The following NUDT9 variants were observed in gnomAD, a reference collection of about 807,000 sequenced individuals.
NUDT9 encodes nudix hydrolase 9.
A neutral mutation model predicts 41.0 loss-of-function variants in NUDT9; 31 were observed. That is an observed-to-expected ratio of 0.76 (90% CI 0.57 to 1.02). The LOEUF is 1.02. NUDT9 is among the 50% of genes least tolerant of loss of function. The probability of loss-of-function intolerance (pLI) is 0.00; values close to 1 mark genes in which losing one functional copy is unlikely to be tolerated. For synonymous variants in NUDT9, 146 were observed against 147.6 expected (o/e 0.99, Z 0.08); for missense variants, 380 against 431.4 (o/e 0.88, Z 1.06).
rs1183676028 is a variant in NUDT9 at position 87,451,657 on chromosome 4, C to T, written c.711C>T (p.Asn237=). The T allele has an allele frequency of 9.3e-6, 15 of 1,613,710 alleles. No homozygotes were observed. The Admixed American group carries it at 2.0e-4, about 22-fold the overall frequency. ...LKREFGEEAL[N]SLQKTSAEKR... ...GAGAATTTGGTGAGGAAGCTCTCAA[C>T]TCCTTACAGAAAACCAGTGCTGAGA... is the stretch of plus-strand genomic sequence containing the variant. The change falls in exon 6 of 8, where the codon AAC becomes AAT. Residue 237 remains asparagine (N), a synonymous_variant. Transcript: ENST00000302174.
intron 1 of NUDT9, 63 bp from the exon 2 acceptor site, chr4:87,434,918 C>T: frequency 6.9e-7 from 1 of 1,458,644 alleles, no homozygotes; most frequent in Non-Finnish European, 9.3e-7. Flanking sequence ...TGCACCCGGC[C>T]TAGGTTCTTT....
At chr4:87,423,640 GAAAAATCT>G (rs1721258936) in intron 1 of NUDT9, among the ~76,000 whole-genome samples, 1 of 152,096 alleles carries the variant, frequency 6.6e-6, no homozygotes, top group Non-Finnish European at 1.5e-5. Context: ...ATGATAATTA[GAAAAATCT>G]ATTTCCTAAA....
At chr4:87,429,947 G>T (rs1347865380) in intron 1 of NUDT9, among the ~76,000 whole-genome samples, 1 of 152,080 alleles carries the variant, frequency 6.6e-6, no homozygotes, top group Non-Finnish European at 1.5e-5. Context: ...GGCCCCCCAA[G>T]TATGTCCACA....
At chr4:87,439,731 C>T (rs1265522913) in intron 3 of NUDT9, among the ~76,000 whole-genome samples, 3 of 152,116 alleles carry the variant, frequency 2.0e-5, no homozygotes, top group East Asian at 1.9e-4. Context: ...ATGGAGAAAC[C>T]GTCCCCCATG....
chr4:87,435,487 T>G (rs1205569989), intron 2 of NUDT9, among the ~76,000 whole-genome samples: 1 of 152,344 alleles, frequency 6.6e-6, no homozygotes, highest in East Asian at 1.9e-4. Flanking sequence ...TGTTATGAAA[T>G]AACAGCTGGT....
Position 87,422,760 on chromosome 4 carries a change from AGCTACTCCCGTTC to A in NUDT9, c.-144_-132del, listed in dbSNP as rs28372776. The A allele has an allele frequency of 0.16, 100,175 of 610,182 alleles. 8,952 individuals are homozygous for A. Among genetic ancestry groups the A allele is most frequent in the African/African-American group, 0.31 (16,361 of 52,928 alleles). The allele number at this position is 610,182 out of a possible 1,614,324, so 37.8% of individuals were successfully genotyped here. ...TGATCTGTGATTTATAGATAGGCAC[AGCTACTCCCGTTC>A]GGGAACCCAACGGCAGACAGGTCCT... On this transcript the variant is annotated 5_prime_UTR_variant, in exon 1 of 8. Transcript: ENST00000302174.
chr4:87,425,874 C>T (rs536201459), intron 1 of NUDT9, among the ~76,000 whole-genome samples: 12 of 152,204 alleles, frequency 7.9e-5, no homozygotes, highest in Non-Finnish European at 1.6e-4. Flanking sequence ...GTGGTGTGAT[C>T]ATGACTCACT....
At chr4:87,426,832 T>G (rs1721445213) in intron 1 of NUDT9, among the ~76,000 whole-genome samples, 2 of 150,652 alleles carry the variant, frequency 1.3e-5, no homozygotes, top group South Asian at 4.2e-4. Flanking sequence ...GCCTAGGAGT[T>G]CAGGACCAGC....
chr4:87,455,203 G>T (rs1038436090), intron 7 of NUDT9, among the ~76,000 whole-genome samples: 2 of 152,186 alleles, frequency 1.3e-5, no homozygotes, highest in African/African-American at 4.8e-5. Flanking sequence ...CTTGGACTCA[G>T]TTTTTTCACT....
chr4:87,440,327 C>G (rs570025943), intron 3 of NUDT9, among the ~76,000 whole-genome samples: 1 of 152,250 alleles, frequency 6.6e-6, no homozygotes, highest in East Asian at 1.9e-4. Context: ...AATTCGAAAT[C>G]CATCAGGACT....
At chr4:87,426,531 T>C (rs1721429344) in intron 1 of NUDT9, among the ~76,000 whole-genome samples, 1 of 151,892 alleles carries the variant, frequency 6.6e-6, no homozygotes, top group African/African-American at 2.4e-5. Flanking sequence ...TGCCTCAGCC[T>C]AGTGAGTAGC....
At chr4:87,452,786 A>G (rs1221332692) in intron 6 of NUDT9, among the ~76,000 whole-genome samples, 2 of 149,956 alleles carry the variant, frequency 1.3e-5, no homozygotes, top group Admixed American at 1.3e-4. Context: ...GTATATGCAC[A>G]CTAATAATAA....
chr4:87,429,098 A>G (rs764200553), intron 1 of NUDT9, among the ~76,000 whole-genome samples: 12 of 152,178 alleles, frequency 7.9e-5, no homozygotes, highest in Non-Finnish European at 1.5e-4. Flanking sequence ...AGGGACCAGG[A>G]GGAAGTCTAG....
In NUDT9 at chr4:87,435,034, C is replaced by T; in HGVS notation, c.161C>T (p.Ser54Phe). The T allele has an allele frequency of 6.2e-7, 1 of 1,613,972 alleles. No homozygotes were observed. Among genetic ancestry groups the T allele is most frequent in the Non-Finnish European group, 8.5e-7 (1 of 1,179,892 alleles). ...FHLNTNVMSG[S>F]NGSKENSHNK... ...CTTAATACCAACGTCATGTCTGGTTCTAATGGTTCCAAAGAAAATTCTCAC... is the reference window on the plus strand; with the variant it reads ...CTTAATACCAACGTCATGTCTGGTTTTAATGGTTCCAAAGAAAATTCTCAC... Residue 54 changes from serine to phenylalanine, a missense_variant, in exon 2 of 8, where the codon TCT becomes TTT. Ser to Phe is a radical substitution (Grantham distance 155, BLOSUM62 -2). Transcript: ENST00000302174.
chr4:87,434,986 C>A lies in NUDT9; in HGVS notation c.113C>A (p.Ser38Ter). 1 of 1,604,222 alleles carries A rather than the reference C, an allele frequency of 6.2e-7. No individual in the cohort carries two copies. Among genetic ancestry groups the A allele is most frequent in the Non-Finnish European group, 8.5e-7 (1 of 1,176,702 alleles). The stretch of plus-strand genomic sequence containing the variant: ...TTTTTCTTTTTCTCCCCCAGAAACT[C>A]GTTTTCATCTTCTTGGTTTCATCTT... Reference protein sequence around the residue: ...RCRGIQAFRNSFSSSWFHLNT... With the variant: ...RCRGIQAFRN Residue 38 changes from serine (S) to a stop codon, truncating the protein, a stop_gained, in exon 2 of 8, where the codon TCG (serine) becomes TAG (stop). Transcript: ENST00000302174. LOFTEE classifies it high-confidence loss of function.
intron 7 of NUDT9, 52 bp from the exon 8 acceptor site, chr4:87,457,791 T>C: frequency 4.0e-6 from 6 of 1,503,722 alleles, no homozygotes; most frequent in Middle Eastern, 1.7e-4. Flanking sequence ...GACATAGATA[T>C]GCTAAAACAG....
At chr4:87,424,262 T>TTTTGTTTTTTTTTG (rs1721301218) in intron 1 of NUDT9, among the ~76,000 whole-genome samples, 1 of 148,156 alleles carries the variant, frequency 6.7e-6, no homozygotes, top group East Asian at 2.0e-4. Flanking sequence ...GCGTTTTTTT[T>TTTTGTTTTTTTTTG]TTTTTTTTTT....
chr4:87,425,208 G>T (rs1018457209), intron 1 of NUDT9, among the ~76,000 whole-genome samples: 1 of 151,748 alleles, frequency 6.6e-6, no homozygotes. Flanking sequence ...AAAAAACTGG[G>T]CCTGGTGGCA....
At chr4:87,430,060 G>A (rs780934029) in intron 1 of NUDT9, among the ~76,000 whole-genome samples, 18 of 152,250 alleles carry the variant, frequency 1.2e-4, no homozygotes, top group Non-Finnish European at 2.1e-4. Flanking sequence ...ATCCTGGAAG[G>A]TGCGCCTGAT....
Sources: gnomAD v4.1 joint callset for allele counts (sites outside exome capture counted in the v4.1 genomes callset) on GRCh38, gnomAD v4.1.1 for gene constraint, MANE v1.5 for transcripts, NCBI Gene and HGNC (gene_info 2026-07-23, HGNC 2026-07-21) for gene names.